Variants in DCC observed in about 807,000 individuals in gnomAD.
DCC encodes the protein netrin receptor DCC.
In DCC, 58 loss-of-function variants were observed where a neutral mutation model predicts 172.5. That is an observed-to-expected ratio of 0.34 (90% CI 0.27 to 0.42). The LOEUF (loss-of-function observed/expected upper bound fraction) is 0.42, where lower values mean the gene tolerates loss of function less well. Among genes scored for constraint, DCC ranks in the 10% least tolerant of loss-of-function variants. The pLI, the probability that DCC is intolerant of heterozygous loss-of-function variation, is 1.00. For synonymous variants in DCC, 709 were observed against 644.5 expected (o/e 1.10, Z -1.52); for missense variants, 1,740 against 1,791.0 (o/e 0.97, Z 0.51).
intron 5 of DCC, among the ~76,000 whole-genome samples, chr18:53,004,326 T>C (rs1599019426): frequency 6.6e-6 from 1 of 152,346 alleles, no homozygotes; most frequent in East Asian, 1.9e-4. Context: ...CATTTTCAGA[T>C]AGGAAACATC....
At chr18:52,744,977 A>G (rs1296181875) in intron 1 of DCC, among the ~76,000 whole-genome samples, 1 of 152,214 alleles carries the variant, frequency 6.6e-6, no homozygotes, top group Non-Finnish European at 1.5e-5. Flanking sequence ...GTGAAGAATC[A>G]AGAATATTCC....
chr18:53,405,533 C>A (rs1546301), intron 19 of DCC, among the ~76,000 whole-genome samples: 64,498 of 151,980 alleles, frequency 0.42, 15,455 homozygotes, highest in Non-Finnish European at 0.55. Flanking sequence ...AGTTTGAAAT[C>A]CATTCTAGGG....
chr18:53,438,749 G>A (rs1416706750), intron 22 of DCC, among the ~76,000 whole-genome samples: 1 of 152,186 alleles, frequency 6.6e-6, no homozygotes, highest in African/African-American at 2.4e-5. Flanking sequence ...CTTTTCAAAG[G>A]TGTCAGATGT....
At chr18:53,094,967 G>A (rs966166613) in intron 7 of DCC, among the ~76,000 whole-genome samples, 3 of 152,066 alleles carry the variant, frequency 2.0e-5, no homozygotes, top group Non-Finnish European at 4.4e-5. Context: ...TTAAATGAAA[G>A]CTTATCATTT....
At chr18:52,430,205 T>A (rs1388861830) in intron 1 of DCC, among the ~76,000 whole-genome samples, 1 of 151,988 alleles carries the variant, frequency 6.6e-6, no homozygotes, top group Non-Finnish European at 1.5e-5. Context: ...GTAATAAGAA[T>A]ACATCTCTTA....
chr18:53,092,768 T>C (rs1466710900), intron 7 of DCC, among the ~76,000 whole-genome samples: 1 of 152,088 alleles, frequency 6.6e-6, no homozygotes, highest in Non-Finnish European at 1.5e-5. Flanking sequence ...CTGTAAGAGG[T>C]CTTATTTTTC....
At chr18:53,469,446 T>C (rs2045667885) in intron 25 of DCC, among the ~76,000 whole-genome samples, 1 of 152,216 alleles carries the variant, frequency 6.6e-6, no homozygotes, top group South Asian at 2.1e-4. Context: ...GTATTCTTAC[T>C]TTTCAGATTT....
chr18:52,877,315 G>A (rs1487865020), intron 2 of DCC, among the ~76,000 whole-genome samples: 2 of 152,106 alleles, frequency 1.3e-5, no homozygotes, highest in African/African-American at 2.4e-5. Flanking sequence ...CAGTGTCCCT[G>A]GAGAAAAAAG....
chr18:53,067,800 G>A (rs1048572466), intron 7 of DCC, among the ~76,000 whole-genome samples: 4 of 152,000 alleles, frequency 2.6e-5, no homozygotes, highest in Admixed American at 1.3e-4. Context: ...GACATGGCTC[G>A]CTTTTGTGTT....
intron 12 of DCC, among the ~76,000 whole-genome samples, chr18:53,303,310 G>A (rs2057161656): frequency 6.6e-6 from 1 of 152,208 alleles, no homozygotes; most frequent in East Asian, 1.9e-4. Flanking sequence ...TCCTGTTGAT[G>A]GATGGATTAT....
At chr18:52,538,498 A>T (rs2032347621) in intron 1 of DCC, among the ~76,000 whole-genome samples, 1 of 152,074 alleles carries the variant, frequency 6.6e-6, no homozygotes, top group Non-Finnish European at 1.5e-5. Context: ...TTTCTTTTCT[A>T]GTCTGGCCAC....
chr18:53,272,816 G>A (rs1000727595), intron 12 of DCC, among the ~76,000 whole-genome samples: 2 of 152,094 alleles, frequency 1.3e-5, no homozygotes, highest in African/African-American at 2.4e-5. Flanking sequence ...TCAAAAAATT[G>A]TGTTATCCTT....
intron 7 of DCC, among the ~76,000 whole-genome samples, chr18:53,077,849 A>G (rs577532855): frequency 6.6e-6 from 1 of 152,288 alleles, no homozygotes; most frequent in South Asian, 2.1e-4. Context: ...TAGAATTACT[A>G]ATAAAGGTTA....
At chr18:52,470,619 A>G (rs1378040868) in intron 1 of DCC, among the ~76,000 whole-genome samples, 1 of 152,188 alleles carries the variant, frequency 6.6e-6, no homozygotes, top group East Asian at 1.9e-4. Context: ...CTAAGAACTC[A>G]GCCAATGGAT....
chr18:52,452,364 T>A (rs922897888), intron 1 of DCC, among the ~76,000 whole-genome samples: 9 of 152,266 alleles, frequency 5.9e-5, no homozygotes, highest in Non-Finnish European at 1.0e-4. Flanking sequence ...ATGCATTATG[T>A]GTCTTTTTCC....
intron 2 of DCC, among the ~76,000 whole-genome samples, chr18:52,762,237 C>T (rs61308146): frequency 0.11 from 16,356 of 151,834 alleles, 2,933 homozygotes; most frequent in African/African-American, 0.37. Flanking sequence ...ATTTGGGAGG[C>T]TGAGATGGCA....
chr18:53,499,875 G>A (rs894638552), intron 27 of DCC, among the ~76,000 whole-genome samples: 1 of 152,142 alleles, frequency 6.6e-6, no homozygotes, highest in Non-Finnish European at 1.5e-5. Context: ...TGCAAGACTA[G>A]ATGTAAAGGT....
At chr18:52,374,632 G>A (rs1568138664) in intron 1 of DCC, among the ~76,000 whole-genome samples, 1 of 152,044 alleles carries the variant, frequency 6.6e-6, no homozygotes, top group African/African-American at 2.4e-5. Flanking sequence ...TTGAAACCAA[G>A]GAAATGAGAT....
chr18:53,126,117 A>G (rs1030621495), intron 7 of DCC, among the ~76,000 whole-genome samples: 2 of 152,134 alleles, frequency 1.3e-5, no homozygotes, highest in African/African-American at 4.8e-5. Context: ...TAAAAGGACT[A>G]GGGATTGAGA....
Sources: gnomAD v4.1 joint callset for allele counts (sites outside exome capture counted in the v4.1 genomes callset) on GRCh38, gnomAD v4.1.1 for gene constraint, MANE v1.5 for transcripts, NCBI Gene and HGNC (gene_info 2026-07-23, HGNC 2026-07-21) for gene names.